TFAP2D: variants seen among roughly 807,000 people sequenced by gnomAD.
TFAP2D encodes the protein transcription factor AP-2 delta, also known as transcription factor AP-2-delta.
A neutral mutation model predicts 43.6 loss-of-function variants in TFAP2D; 9 were observed. That is an observed-to-expected ratio of 0.21 (90% CI 0.12 to 0.36). The LOEUF (loss-of-function observed/expected upper bound fraction) is 0.36. Ranked by LOEUF, TFAP2D falls within the 10% of genes least tolerant of loss-of-function variation. The probability of loss-of-function intolerance (pLI) is 1.00; values close to 1 mark genes in which losing one functional copy is unlikely to be tolerated. For synonymous variants in TFAP2D, 256 were observed against 224.9 expected (o/e 1.14, Z -1.24); for missense variants, 513 against 561.4 (o/e 0.91, Z 0.87).
intron 6 of TFAP2D, among the ~76,000 whole-genome samples, chr6:50,747,824 T>G (rs1432290498): frequency 6.6e-6 from 1 of 152,116 alleles, no homozygotes; most frequent in Non-Finnish European, 1.5e-5. Flanking sequence ...CAGGTAGTAG[T>G]ATTTTCCTTT....
At chr6:50,750,930 TTA>T (rs1769191791) in intron 6 of TFAP2D, among the ~76,000 whole-genome samples, 3 of 151,962 alleles carry the variant, frequency 2.0e-5, no homozygotes, top group Non-Finnish European at 2.9e-5. Flanking sequence ...TATCCTGAGG[TTA>T]ATTTATGAAT....
At chr6:50,744,757 C>T (rs545554572) in intron 5 of TFAP2D, among the ~76,000 whole-genome samples, 24 of 152,224 alleles carry the variant, frequency 1.6e-4, no homozygotes, top group South Asian at 1.2e-3. Flanking sequence ...ATGACTTGTC[C>T]ATGGGGCCAT....
Position 50,772,840 on chromosome 6 carries a change from G to A in TFAP2D, c.1335G>A (p.Glu445=), listed in dbSNP as rs746804805. Residue 445 remains glutamate (E), a synonymous_variant, in exon 8 of 8, where the codon GAG becomes GAA. Transcript: ENST00000008391. ...AAACTTCAGAGGCTGCCGTGAAAGAGGGCAAAACAGAAAAGACAGACTAGC... is the reference window on the plus strand; with the variant it reads ...AAACTTCAGAGGCTGCCGTGAAAGAAGGCAAAACAGAAAAGACAGACTAGC... ...LRKTSEAAVK[E]GKTEKTD 6.2e-7 allele frequency: 1 copy of A among 1,613,560 alleles called. No individual in the cohort carries two copies. The highest frequency in any genetic ancestry group is 1.3e-5 in the African/African-American group (1 of 74,882).
At chr6:50,721,047 C>A (rs116663502) in intron 3 of TFAP2D, among the ~76,000 whole-genome samples, 1,646 of 152,278 alleles carry the variant, frequency 0.011, 15 homozygotes, top group Non-Finnish European at 0.017. Flanking sequence ...CCTCTCACCC[C>A]CTCACTCAAT....
At chr6:50,719,529 A>T (rs2114029879) in intron 3 of TFAP2D, among the ~76,000 whole-genome samples, 1 of 151,804 alleles carries the variant, frequency 6.6e-6, no homozygotes, top group East Asian at 1.9e-4. Flanking sequence ...TTCCCCCAGC[A>T]CTAATACCAC....
chr6:50,717,419 C>T (rs950445932), intron 2 of TFAP2D, among the ~76,000 whole-genome samples: 2 of 152,196 alleles, frequency 1.3e-5, no homozygotes, highest in South Asian at 4.1e-4. Flanking sequence ...TGTAACCGTG[C>T]GCCAGAGAGT....
rs768632687 is a variant in TFAP2D, at chr6:50,772,785, A to C, written c.1280A>C (p.His427Pro). 6.2e-7 allele frequency: 1 copy of C among 1,614,154 alleles called. No individual in the cohort carries two copies. Among genetic ancestry groups the C allele is most frequent in the South Asian group, 1.1e-5 (1 of 91,082 alleles). Reference sequence around the variant, plus strand: ...GGAGCGGCGGATTCTGGCCAAGGACATGCCAACTCGGAGAAAGCTCCCCTG... The same window carrying C: ...GGAGCGGCGGATTCTGGCCAAGGACCTGCCAACTCGGAGAAAGCTCCCCTG... Reference protein sequence around the residue: ...NGGAADSGQGHANSEKAPLRK... With the variant: ...NGGAADSGQGPANSEKAPLRK... Residue 427 changes from histidine to proline, a missense_variant, in exon 8 of 8, where the codon CAT becomes CCT. By Grantham distance (77) the His-to-Pro change is moderately conservative. Around this residue, in one of 3 missense-constraint regions of TFAP2D, gnomAD observed 199 missense variants for 227.9 expected, o/e 0.87. Coordinates refer to ENST00000008391, the MANE Select transcript of TFAP2D (RefSeq NM_172238.4).
At chr6:50,750,672 AT>A (rs1173663124) in intron 6 of TFAP2D, among the ~76,000 whole-genome samples, 1 of 151,900 alleles carries the variant, frequency 6.6e-6, no homozygotes. Flanking sequence ...TAATATAACC[AT>A]TTTTTGTGAG....
chr6:50,740,234 C>T (rs1009841243), intron 5 of TFAP2D, among the ~76,000 whole-genome samples: 1 of 152,048 alleles, frequency 6.6e-6, no homozygotes, highest in Admixed American at 6.5e-5. Flanking sequence ...CATTTAATAA[C>T]ATTGGGTTTT....
chr6:50,758,753 G>A (rs750910221), intron 7 of TFAP2D, among the ~76,000 whole-genome samples: 2 of 151,896 alleles, frequency 1.3e-5, no homozygotes, highest in South Asian at 2.1e-4. Context: ...GGTCATCAAC[G>A]GCGGGCAGTT....
chr6:50,767,544 T>A (rs2113895470), intron 7 of TFAP2D, among the ~76,000 whole-genome samples: 1 of 152,346 alleles, frequency 6.6e-6, no homozygotes, highest in East Asian at 1.9e-4. Flanking sequence ...CTCCCAGGAA[T>A]TTTATTTAAG....
At chr6:50,742,235 T>C (rs1448082888) in intron 5 of TFAP2D, among the ~76,000 whole-genome samples, 1 of 152,046 alleles carries the variant, frequency 6.6e-6, no homozygotes, top group African/African-American at 2.4e-5. Context: ...CACTTGCCAC[T>C]TCTTTTAATG....
At chr6:50,714,426 G>T (rs1198705134) in intron 1 of TFAP2D, among the ~76,000 whole-genome samples, 2 of 151,994 alleles carry the variant, frequency 1.3e-5, no homozygotes, top group Non-Finnish European at 2.9e-5. Context: ...CAAAGAAAAG[G>T]GACTGGTGGG....
intron 5 of TFAP2D, among the ~76,000 whole-genome samples, chr6:50,730,488 C>A (rs901516149): frequency 6.6e-6 from 1 of 151,722 alleles, no homozygotes; most frequent in African/African-American, 2.4e-5. Context: ...CTATCATACA[C>A]CCACATTGGG....
At chr6:50,725,299 C>T (rs984322744) in intron 3 of TFAP2D, among the ~76,000 whole-genome samples, 5 of 152,168 alleles carry the variant, frequency 3.3e-5, no homozygotes, top group African/African-American at 2.4e-5. Flanking sequence ...ATGTCCTAGG[C>T]AAAGGACCTT....
At chr6:50,725,490 GAAT>G (rs1768794521) in intron 3 of TFAP2D, among the ~76,000 whole-genome samples, 1 of 152,180 alleles carries the variant, frequency 6.6e-6, no homozygotes, top group South Asian at 2.1e-4. Flanking sequence ...AGTTCTGCAT[GAAT>G]ACACTGGCTA....
intron 3 of TFAP2D, among the ~76,000 whole-genome samples, chr6:50,725,097 T>C (rs141776932): frequency 1.2e-3 from 186 of 152,252 alleles, no homozygotes; most frequent in African/African-American, 4.2e-3. Flanking sequence ...TGGCCAGATG[T>C]CCCCTGTTAT....
rs957164551 is a variant in TFAP2D, at chr6:50,762,251, C to T, written c.1140-10394C>T. Reference sequence around the variant, plus strand: ...AGTTTGAATGGTTGCAATACATTTCCATGTAAAAAGTTATAGACTATATCA... The same window carrying T: ...AGTTTGAATGGTTGCAATACATTTCTATGTAAAAAGTTATAGACTATATCA... On this transcript the variant is annotated intron_variant, in intron 7 of 7. Transcript: ENST00000008391. 2.6e-5 allele frequency among the ~76,000 whole-genome samples: 4 copies of T among 151,964 alleles called. No individual in the cohort carries two copies. The South Asian group carries it at 8.3e-4, about 31-fold the overall frequency.
intron 5 of TFAP2D, among the ~76,000 whole-genome samples, chr6:50,732,884 A>G (rs1235601385): frequency 6.6e-6 from 1 of 152,012 alleles, no homozygotes; most frequent in African/African-American, 2.4e-5. Context: ...CATTTTTCCT[A>G]TATTCCTTTT....
Sources: gnomAD v4.1 joint callset for allele counts (sites outside exome capture counted in the v4.1 genomes callset) on GRCh38, gnomAD v4.1.1 for gene constraint, gnomAD v4.1.1 regional missense constraint, MANE v1.5 for transcripts, NCBI Gene and HGNC (gene_info 2026-07-23, HGNC 2026-07-21) for gene names.